EDIL3: variants seen among roughly 807,000 people sequenced by gnomAD.
EDIL3 encodes EGF like and discoidin domains 3, also known as EGF-like repeat and discoidin I-like domain-containing protein 3.
Under a neutral mutation model 67.4 loss-of-function variants are expected in EDIL3, and 37 were observed. The observed-to-expected ratio is 0.55, with a 90% CI of 0.42 to 0.72. The LOEUF is 0.72. Ranked by LOEUF, EDIL3 falls within the 30% of genes least tolerant of loss-of-function variation. EDIL3 has a pLI of 0.00. For missense variants in EDIL3, 527 were observed against 586.3 expected, an observed-to-expected ratio of 0.90 and a Z score of 1.04; for synonymous variants, 195 against 196.3, an observed-to-expected ratio of 0.99 and a Z score of 0.05.
At position 83,997,982 on chromosome 5, in the gene EDIL3, C is replaced by A. The variant is rs964474097; in HGVS notation, c.1138-34622G>T. Among the ~76,000 whole-genome samples the A allele has an allele frequency of 2.0e-5, 3 of 152,232 alleles. No homozygotes were observed. The East Asian group carries it at 5.8e-4, about 29-fold the overall frequency. On this transcript the variant is annotated intron_variant, in intron 9 of 10. Coordinates refer to ENST00000296591, the MANE Select transcript of EDIL3 (RefSeq NM_005711.5). ...GAAATCGCCCATCCAGCAGTAGGAACCTGAGTTCCTGTTAGACCCAACACT... is the reference window on the plus strand; with the variant it reads ...GAAATCGCCCATCCAGCAGTAGGAAACTGAGTTCCTGTTAGACCCAACACT...
intron 1 of EDIL3, among the ~76,000 whole-genome samples, chr5:84,307,014 G>A (rs932494172): frequency 3.9e-5 from 6 of 152,260 alleles, no homozygotes; most frequent in Admixed American, 3.9e-4. Flanking sequence ...TAACTACCAA[G>A]TGTCCATTTC....
intron 10 of EDIL3, among the ~76,000 whole-genome samples, chr5:83,949,454 C>T (rs574149040): frequency 6.6e-5 from 10 of 151,894 alleles, no homozygotes; most frequent in African/African-American, 1.7e-4. Context: ...AGATCAAATG[C>T]GAAGAGGACT....
At position 84,254,221 on chromosome 5, in the gene EDIL3, T is replaced by TAA; in HGVS notation, c.68-11_68-10dup. On this transcript the variant is annotated splice_polypyrimidine_tract_variant and intron_variant, in intron 1 of 10. Transcript: ENST00000296591. ...GGGATCACAAATATCACCTAAGGCATAAAAAAAAACCGAAATTGACATTTT... is the reference window on the plus strand; with the variant it reads ...GGGATCACAAATATCACCTAAGGCATAAAAAAAAAAACCGAAATTGACATTTT... 8 of 1,534,382 alleles carry TAA rather than the reference T, an allele frequency of 5.2e-6. No homozygotes were observed. Among genetic ancestry groups the TAA allele is most frequent in the East Asian group, 2.3e-5 (1 of 42,866 alleles).
intron 6 of EDIL3, among the ~76,000 whole-genome samples, chr5:84,099,599 A>C (rs1048022806): frequency 1.6e-5 from 1 of 61,802 alleles, no homozygotes; most frequent in Non-Finnish European, 3.5e-5. Flanking sequence ...AAAGACTTAA[A>C]CATAAGACCT....
intron 1 of EDIL3, among the ~76,000 whole-genome samples, chr5:84,276,275 G>A (rs1048063098): frequency 1.3e-5 from 2 of 152,142 alleles, no homozygotes; most frequent in Non-Finnish European, 2.9e-5. Flanking sequence ...CTGCAATCCA[G>A]TTTTAGAAGA....
chr5:84,112,998 T>C (rs1179312554), intron 5 of EDIL3, among the ~76,000 whole-genome samples: 2 of 152,010 alleles, frequency 1.3e-5, no homozygotes, highest in Non-Finnish European at 1.5e-5. Context: ...TCTTTAGAAA[T>C]TTTTTTTATG....
At chr5:84,306,032 GA>G (rs906126465) in intron 1 of EDIL3, among the ~76,000 whole-genome samples, 6 of 148,182 alleles carry the variant, frequency 4.0e-5, no homozygotes, top group East Asian at 3.9e-4. Flanking sequence ...GTCTTAAGGA[GA>G]AAAAAAAAAG....
intron 2 of EDIL3, among the ~76,000 whole-genome samples, chr5:84,242,731 G>A (rs1273684712): frequency 1.3e-5 from 2 of 149,734 alleles, no homozygotes; most frequent in East Asian, 2.0e-4. Context: ...CCCGGACATT[G>A]AGGCTGCAGT....
chr5:84,159,589 A>C (rs1748567481), intron 4 of EDIL3, among the ~76,000 whole-genome samples: 1 of 151,992 alleles, frequency 6.6e-6, no homozygotes, highest in South Asian at 2.1e-4. Flanking sequence ...ACTGTGGCAC[A>C]CACTTTCAAT....
intron 1 of EDIL3, among the ~76,000 whole-genome samples, chr5:84,323,842 G>A (rs1328030460): frequency 6.6e-6 from 1 of 151,766 alleles, no homozygotes; most frequent in Non-Finnish European, 1.5e-5. Flanking sequence ...ATATCAATAA[G>A]TTTTCATAGA....
At chr5:84,026,504 T>A (rs894516925) in intron 9 of EDIL3, among the ~76,000 whole-genome samples, 1 of 152,202 alleles carries the variant, frequency 6.6e-6, no homozygotes, top group Non-Finnish European at 1.5e-5. Context: ...TATTTAACCT[T>A]CTGCCTCTGC....
chr5:84,348,226 C>G (rs1314492110), intron 1 of EDIL3, among the ~76,000 whole-genome samples: 1 of 152,154 alleles, frequency 6.6e-6, no homozygotes, highest in African/African-American at 2.4e-5. Flanking sequence ...AGTATTTATA[C>G]AGCAAGTCCC....
In EDIL3 at chr5:84,304,823, G is replaced by A. The variant is rs561172934; in HGVS notation, c.68-50611C>T. Among the ~76,000 whole-genome samples the A allele has an allele frequency of 2.0e-3, 309 of 152,230 alleles. 2 individuals are homozygous for A. The highest frequency in any genetic ancestry group is 7.1e-3 in the African/African-American group (296 of 41,532). Reference sequence around the variant, plus strand: ...CAAGCCAGGAAATCTTGAGCAAGAGGAAAACTTTCACTTTTTAAAATATAA... The same window carrying A: ...CAAGCCAGGAAATCTTGAGCAAGAGAAAAACTTTCACTTTTTAAAATATAA... On this transcript the variant is annotated intron_variant, in intron 1 of 10. Transcript: ENST00000296591.
intron 9 of EDIL3, among the ~76,000 whole-genome samples, chr5:84,027,196 T>G (rs1745830941): frequency 3.3e-5 from 5 of 152,228 alleles, no homozygotes. Flanking sequence ...ATATACAATA[T>G]AAAGACATTA....
At chr5:84,146,719 T>C (rs1333690155) in intron 4 of EDIL3, among the ~76,000 whole-genome samples, 1 of 152,114 alleles carries the variant, frequency 6.6e-6, no homozygotes, top group Non-Finnish European at 1.5e-5. Flanking sequence ...CCTCCTACAG[T>C]CTTTTATACA....
At chr5:84,150,048 A>G (rs1271840791) in intron 4 of EDIL3, among the ~76,000 whole-genome samples, 1 of 152,112 alleles carries the variant, frequency 6.6e-6, no homozygotes, top group African/African-American at 2.4e-5. Flanking sequence ...AATTTTCCAA[A>G]TATGATGAAA....
At chr5:83,956,436 T>G (rs1744515056) in intron 10 of EDIL3, among the ~76,000 whole-genome samples, 1 of 151,784 alleles carries the variant, frequency 6.6e-6, no homozygotes, top group Admixed American at 6.6e-5. Flanking sequence ...CCTATTATGT[T>G]CTCTGTGTAC....
intron 1 of EDIL3, among the ~76,000 whole-genome samples, chr5:84,345,888 A>T (rs1302502702): frequency 6.6e-6 from 1 of 152,190 alleles, no homozygotes; most frequent in Non-Finnish European, 1.5e-5. Context: ...AACATAAAAC[A>T]TATGGGAGAC....
chr5:84,270,608 C>G (rs1284948543), intron 1 of EDIL3, among the ~76,000 whole-genome samples: 1 of 152,028 alleles, frequency 6.6e-6, no homozygotes, highest in Non-Finnish European at 1.5e-5. Context: ...TAACGAACAC[C>G]AACAACATAC....
Sources: gnomAD v4.1 joint callset for allele counts (sites outside exome capture counted in the v4.1 genomes callset) on GRCh38, gnomAD v4.1.1 for gene constraint, MANE v1.5 for transcripts, NCBI Gene and HGNC (gene_info 2026-07-23, HGNC 2026-07-21) for gene names.